Variants in CNTN5 observed in about 807,000 individuals in gnomAD.
CNTN5 encodes contactin 5, also known as contactin-5.
Under a neutral mutation model 129.1 loss-of-function variants are expected in CNTN5, and 77 were observed. That is an observed-to-expected ratio of 0.60 (90% CI 0.50 to 0.72). The LOEUF is 0.72. Among genes scored for constraint, CNTN5 ranks in the 30% least tolerant of loss-of-function variants. The pLI is 0.00. For synonymous variants in CNTN5, 509 were observed against 465.6 expected (o/e 1.09, Z -1.20); for missense variants, 1,478 against 1,328.8 (o/e 1.11, Z -1.75).
intron 9 of CNTN5, among the ~76,000 whole-genome samples, chr11:100,038,511 G>T (rs1081356): frequency 1.3e-5 from 2 of 152,070 alleles, no homozygotes; most frequent in Admixed American, 1.3e-4. Flanking sequence ...GAGTTCAATT[G>T]CTGGGTATCC....
chr11:99,500,346 A>G (rs1390514216), intron 2 of CNTN5, among the ~76,000 whole-genome samples: 1 of 152,204 alleles, frequency 6.6e-6, no homozygotes. Flanking sequence ...CTTTAAAAAA[A>G]GTTGTAAAGC....
intron 3 of CNTN5, among the ~76,000 whole-genome samples, chr11:99,649,452 A>T (rs1448662871): frequency 2.6e-5 from 4 of 151,736 alleles, no homozygotes; most frequent in Admixed American, 6.6e-5. Flanking sequence ...CAATGTTGCA[A>T]CTTTATTTTC....
intron 3 of CNTN5, among the ~76,000 whole-genome samples, chr11:99,583,154 T>G (rs2851602): frequency 1.2e-4 from 18 of 151,898 alleles, no homozygotes; most frequent in African/African-American, 4.4e-4. Flanking sequence ...TGGTGAACCG[T>G]AAATGCTGCT....
intron 1 of CNTN5, among the ~76,000 whole-genome samples, chr11:99,136,653 T>A (rs575277994): frequency 3.4e-4 from 52 of 152,060 alleles, no homozygotes; most frequent in Non-Finnish European, 6.6e-4. Flanking sequence ...TACACACATC[T>A]CCTTCTCCTG....
chr11:99,488,138 T>C (rs1489408260), intron 2 of CNTN5, among the ~76,000 whole-genome samples: 1 of 151,306 alleles, frequency 6.6e-6, no homozygotes, highest in African/African-American at 2.4e-5. Flanking sequence ...GTGAAGAATC[T>C]CTTCTAAGAA....
intron 3 of CNTN5, among the ~76,000 whole-genome samples, chr11:99,811,934 T>C (rs921423228): frequency 6.6e-6 from 1 of 152,102 alleles, no homozygotes; most frequent in Admixed American, 6.6e-5. Flanking sequence ...ACTGAGCAAC[T>C]GATGAAAATT....
At chr11:99,644,605 C>T (rs371034835) in intron 3 of CNTN5, among the ~76,000 whole-genome samples, 11 of 151,962 alleles carry the variant, frequency 7.2e-5, no homozygotes, top group African/African-American at 2.2e-4. Context: ...TAAATATAAG[C>T]GCAAGAAATC....
At chr11:99,448,601 C>T (rs1330292286) in intron 2 of CNTN5, among the ~76,000 whole-genome samples, 1 of 151,438 alleles carries the variant, frequency 6.6e-6, no homozygotes, top group African/African-American at 2.4e-5. Context: ...ACCCTAGGAA[C>T]CTGCATTTTT....
At chr11:99,519,850 G>T (rs79847226) in intron 2 of CNTN5, among the ~76,000 whole-genome samples, 1 of 152,030 alleles carries the variant, frequency 6.6e-6, no homozygotes, top group Non-Finnish European at 1.5e-5. Context: ...TAGACTGCAG[G>T]TTTCCCTGTC....
At position 99,928,965 on chromosome 11, in the gene CNTN5, A is replaced by G. The variant is rs569384790; in HGVS notation, c.673+12816A>G. On this transcript the variant is annotated intron_variant, in intron 7 of 24. Transcript: ENST00000524871. Reference sequence around the variant, plus strand: ...ATGCATAAAACCAAATGCTTTTAAGAGCACCCAAGTCATATCTTGAATGCT... The same window carrying G: ...ATGCATAAAACCAAATGCTTTTAAGGGCACCCAAGTCATATCTTGAATGCT... Among the ~76,000 whole-genome samples, 15 of 152,308 alleles carry G rather than the reference A, an allele frequency of 9.8e-5. No homozygotes were observed. The East Asian group carries it at 2.9e-3, about 29-fold the overall frequency.
At chr11:99,669,506 A>T (rs1952948016) in intron 3 of CNTN5, among the ~76,000 whole-genome samples, 1 of 151,348 alleles carries the variant, frequency 6.6e-6, no homozygotes, top group African/African-American at 2.4e-5. Flanking sequence ...ATATATTTTT[A>T]TGCTAGATAA....
At chr11:99,502,439 G>T (rs74464334) in intron 2 of CNTN5, among the ~76,000 whole-genome samples, 1 of 152,178 alleles carries the variant, frequency 6.6e-6, no homozygotes, top group South Asian at 2.1e-4. Flanking sequence ...TTTCCTCCAC[G>T]CTGTTCTCAT....
At chr11:99,661,974 C>A (rs999277678) in intron 3 of CNTN5, among the ~76,000 whole-genome samples, 1 of 151,920 alleles carries the variant, frequency 6.6e-6, no homozygotes, top group African/African-American at 2.4e-5. Context: ...AGCAATAGAG[C>A]AAATTGATTG....
chr11:99,886,117 A>G (rs1288955688), intron 6 of CNTN5, among the ~76,000 whole-genome samples: 1 of 152,094 alleles, frequency 6.6e-6, no homozygotes, highest in Non-Finnish European at 1.5e-5. Context: ...CAAAACTATA[A>G]AACATTTAGA....
intron 8 of CNTN5, among the ~76,000 whole-genome samples, chr11:99,959,056 A>G (rs558379764): frequency 1.3e-5 from 2 of 152,302 alleles, no homozygotes; most frequent in East Asian, 3.9e-4. Context: ...ACATTTCATG[A>G]ATAATCATTC....
intron 4 of CNTN5, 22 bp from the exon 5 acceptor site, chr11:99,844,830 T>G (rs1947630124): frequency 6.3e-7 from 1 of 1,586,194 alleles, no homozygotes; most frequent in African/African-American, 1.4e-5. Context: ...AAATTTAAAA[T>G]GTGTCTGTTT....
intron 13 of CNTN5, among the ~76,000 whole-genome samples, chr11:100,087,061 G>A (rs1482785410): frequency 1.3e-5 from 2 of 151,458 alleles, no homozygotes; most frequent in Admixed American, 6.6e-5. Flanking sequence ...TAGAAGATTG[G>A]TAAAGTCAAA....
At chr11:99,154,886 C>A (rs532423889) in intron 1 of CNTN5, among the ~76,000 whole-genome samples, 1 of 152,244 alleles carries the variant, frequency 6.6e-6, no homozygotes, top group African/African-American at 2.4e-5. Context: ...GCTAAAGTCT[C>A]CTAAAGAAGC....
chr11:99,703,539 C>G (rs574393422), intron 3 of CNTN5, among the ~76,000 whole-genome samples: 1 of 150,688 alleles, frequency 6.6e-6, no homozygotes, highest in Non-Finnish European at 1.5e-5. Context: ...AATAGTCTTA[C>G]GAGGTAAGTG....
Sources: gnomAD v4.1 joint callset for allele counts (sites outside exome capture counted in the v4.1 genomes callset) on GRCh38, gnomAD v4.1.1 for gene constraint, MANE v1.5 for transcripts, NCBI Gene and HGNC (gene_info 2026-07-23, HGNC 2026-07-21) for gene names.